Variants in FHOD3 observed in about 807,000 individuals in gnomAD.
The protein encoded by FHOD3 is FH1/FH2 domain-containing protein 3.
Under a neutral mutation model 173.0 loss-of-function variants are expected in FHOD3, and 90 were observed. That is an observed-to-expected ratio of 0.52 (90% CI 0.44 to 0.62). FHOD3 has a LOEUF of 0.62. Ranked by LOEUF, FHOD3 falls within the 20% of genes least tolerant of loss-of-function variation. The probability of loss-of-function intolerance (pLI) is 0.00; values close to 1 mark genes in which losing one functional copy is unlikely to be tolerated. For synonymous variants in FHOD3, 828 were observed against 823.0 expected, an observed-to-expected ratio of 1.01 and a Z score of -0.10; for missense variants, 1,945 against 2,034.7, an observed-to-expected ratio of 0.96 and a Z score of 0.85.
At chr18:36,773,555 T>C (rs2043490937) in intron 28 of FHOD3, among the ~76,000 whole-genome samples, 1 of 152,212 alleles carries the variant, frequency 6.6e-6, no homozygotes, top group South Asian at 2.1e-4. Context: ...GTATCAGTTA[T>C]CTTTTGTACG....
At chr18:36,498,099 T>TC (rs1214884976) in intron 3 of FHOD3, among the ~76,000 whole-genome samples, 33 of 152,022 alleles carry the variant, frequency 2.2e-4, no homozygotes, top group Non-Finnish European at 1.3e-4. Context: ...AAACCATGGG[T>TC]CAAAAAAATC....
At chr18:36,726,412 A>G (rs192210402) in intron 19 of FHOD3, among the ~76,000 whole-genome samples, 77 of 152,198 alleles carry the variant, frequency 5.1e-4, no homozygotes, top group African/African-American at 1.8e-3. Context: ...TTTCCTACTT[A>G]GAGGCATTGC....
chr18:36,511,252 C>T (rs919435358), intron 4 of FHOD3, among the ~76,000 whole-genome samples: 17 of 152,192 alleles, frequency 1.1e-4, no homozygotes, highest in African/African-American at 3.6e-4. Flanking sequence ...GAGGAAATCT[C>T]CCAATCTCAG....
At chr18:36,562,004 T>TTGTATTGTAC (rs2058101183) in intron 5 of FHOD3, among the ~76,000 whole-genome samples, 1 of 151,728 alleles carries the variant, frequency 6.6e-6, no homozygotes, top group Admixed American at 6.6e-5. Context: ...TTGTATTGTA[T>TTGTATTGTAC]TGTATTGTAT....
chr18:36,759,999 C>T, intron 26 of FHOD3, among the ~76,000 whole-genome samples: 1 of 152,126 alleles, frequency 6.6e-6, no homozygotes, highest in Non-Finnish European at 1.5e-5. Flanking sequence ...GGCCCTGATA[C>T]CAATTCTTTT....
intron 25 of FHOD3, among the ~76,000 whole-genome samples, chr18:36,755,551 C>T (rs886664696): frequency 6.6e-6 from 1 of 151,902 alleles, no homozygotes; most frequent in African/African-American, 2.4e-5. Context: ...AGAAGAGGAA[C>T]ATGGAACCCA....
At chr18:36,340,646 C>T (rs2625057) in intron 1 of FHOD3, among the ~76,000 whole-genome samples, 21 of 142,176 alleles carry the variant, frequency 1.5e-4, no homozygotes, top group Admixed American at 2.8e-4. Flanking sequence ...CTTTTTTTTT[C>T]TTTTTTTTCA....
chr18:36,544,132 G>A (rs559763626), intron 5 of FHOD3, among the ~76,000 whole-genome samples: 2 of 152,270 alleles, frequency 1.3e-5, no homozygotes, highest in Non-Finnish European at 2.9e-5. Flanking sequence ...TGTGTTTCTC[G>A]GCAGTATCAT....
At chr18:36,676,510 T>C (rs1176800767) in intron 14 of FHOD3, among the ~76,000 whole-genome samples, 2 of 152,244 alleles carry the variant, frequency 1.3e-5, no homozygotes, top group Non-Finnish European at 1.5e-5. Flanking sequence ...ATGTCTATCT[T>C]CTTTATGCAT....
chr18:36,317,841 A>G (rs1267180991), intron 1 of FHOD3, among the ~76,000 whole-genome samples: 1 of 152,172 alleles, frequency 6.6e-6, no homozygotes, highest in Admixed American at 6.5e-5. Context: ...GTTTTCTTCT[A>G]GGATTTTTAT....
intron 18 of FHOD3, among the ~76,000 whole-genome samples, chr18:36,714,995 G>C (rs1047168445): frequency 6.6e-6 from 1 of 152,060 alleles, no homozygotes; most frequent in Non-Finnish European, 1.5e-5. Flanking sequence ...ATGTTCCTTC[G>C]GCTGAATGAA....
At chr18:36,683,127 G>T (rs1200467079) in intron 15 of FHOD3, among the ~76,000 whole-genome samples, 1 of 152,128 alleles carries the variant, frequency 6.6e-6, no homozygotes, top group Admixed American at 6.6e-5. Context: ...AACGATATTT[G>T]GAAATGCCAG....
At chr18:36,565,680 G>A (rs2058237503) in intron 5 of FHOD3, among the ~76,000 whole-genome samples, 1 of 151,984 alleles carries the variant, frequency 6.6e-6, no homozygotes, top group African/African-American at 2.4e-5. Flanking sequence ...ATTATTTCCA[G>A]TCACATTCTC....
chr18:36,760,561 T>C (rs769676481), intron 26 of FHOD3, 47 bp from the exon 27 acceptor site: 8 of 1,476,778 alleles, frequency 5.4e-6, no homozygotes, highest in Non-Finnish European at 7.2e-6. Flanking sequence ...TTGAGTTGTC[T>C]TTTTGGGGAG....
intron 3 of FHOD3, among the ~76,000 whole-genome samples, chr18:36,377,115 C>T (rs1260653425): frequency 6.6e-6 from 1 of 152,138 alleles, no homozygotes; most frequent in African/African-American, 2.4e-5. Context: ...GTATAGGGGT[C>T]CCTGGGCTTC....
chr18:36,663,684 C>G (rs770783481), intron 14 of FHOD3, among the ~76,000 whole-genome samples: 5 of 152,234 alleles, frequency 3.3e-5, no homozygotes, highest in Non-Finnish European at 5.9e-5. Flanking sequence ...ACACCTATCT[C>G]CACCATGTTT....
chr18:36,505,678 A>G (rs1250679547), intron 4 of FHOD3, among the ~76,000 whole-genome samples: 1 of 152,264 alleles, frequency 6.6e-6, no homozygotes, highest in Non-Finnish European at 1.5e-5. Context: ...ACAAAGCAGT[A>G]GAGAAATTCA....
At chr18:36,739,803 C>A (rs1473616313) in intron 20 of FHOD3, among the ~76,000 whole-genome samples, 7 of 152,164 alleles carry the variant, frequency 4.6e-5, no homozygotes, top group East Asian at 1.9e-4. Context: ...TGTATTGACC[C>A]TATATCATAC....
intron 8 of FHOD3, among the ~76,000 whole-genome samples, chr18:36,609,021 A>G (rs1356571824): frequency 6.6e-6 from 1 of 152,242 alleles, no homozygotes; most frequent in Non-Finnish European, 1.5e-5. Context: ...TGGTGCAATC[A>G]ATGAAAACCC....
Sources: gnomAD v4.1 joint callset for allele counts (sites outside exome capture counted in the v4.1 genomes callset) on GRCh38, gnomAD v4.1.1 for gene constraint, MANE v1.5 for transcripts, NCBI Gene and HGNC (gene_info 2026-07-23, HGNC 2026-07-21) for gene names.